UBE2E2: variants seen among roughly 807,000 people sequenced by gnomAD.
UBE2E2 encodes ubiquitin-conjugating enzyme E2 E2.
Under a neutral mutation model 24.7 loss-of-function variants are expected in UBE2E2, and 6 were observed. The observed-to-expected ratio is 0.24, with a 90% CI of 0.13 to 0.48. UBE2E2 has a LOEUF of 0.48. UBE2E2 is among the 20% of genes least tolerant of loss of function. The pLI is 0.99. For synonymous variants in UBE2E2, 104 were observed against 83.6 expected (o/e 1.24, Z -1.33); for missense variants, 169 against 245.0 (o/e 0.69, Z 2.07).
At chr3:23,552,949 A>G (rs978646218) in intron 5 of UBE2E2, among the ~76,000 whole-genome samples, 2 of 152,220 alleles carry the variant, frequency 1.3e-5, no homozygotes, top group African/African-American at 4.8e-5. Flanking sequence ...AGTATTTTCT[A>G]TGTAAATTTT....
At chr3:23,539,587 G>T (rs1221819532) in intron 5 of UBE2E2, among the ~76,000 whole-genome samples, 2 of 152,120 alleles carry the variant, frequency 1.3e-5, no homozygotes, top group Non-Finnish European at 2.9e-5. Flanking sequence ...CTAACGCAGG[G>T]AGTATCTGTC....
chr3:23,496,146 C>T (rs1699593645), intron 3 of UBE2E2, among the ~76,000 whole-genome samples: 1 of 152,114 alleles, frequency 6.6e-6, no homozygotes. Flanking sequence ...CCTGTAAATT[C>T]ATACAGTAGG....
chr3:23,277,492 C>G (rs940456293), intron 3 of UBE2E2, among the ~76,000 whole-genome samples: 2 of 152,054 alleles, frequency 1.3e-5, no homozygotes, highest in African/African-American at 4.8e-5. Flanking sequence ...GAACTAGAGC[C>G]AAAACCACTG....
chr3:23,332,885 C>A (rs1289420340), intron 3 of UBE2E2, among the ~76,000 whole-genome samples: 1 of 152,172 alleles, frequency 6.6e-6, no homozygotes, highest in Admixed American at 6.5e-5. Flanking sequence ...CTTTATAAGA[C>A]TCCCTTGACA....
chr3:23,586,769 G>A (rs1696636197), intron 5 of UBE2E2, among the ~76,000 whole-genome samples: 1 of 152,052 alleles, frequency 6.6e-6, no homozygotes, highest in Non-Finnish European at 1.5e-5. Context: ...TCTAAAAACA[G>A]GAAATTCGTT....
chr3:23,537,843 G>A (rs998779573), intron 5 of UBE2E2, among the ~76,000 whole-genome samples: 6 of 152,126 alleles, frequency 3.9e-5, no homozygotes, highest in African/African-American at 1.4e-4. Flanking sequence ...GACTGCTGGT[G>A]GGTGGGAACC....
rs148363226 is a variant in UBE2E2 at position 23,441,472 on chromosome 3, G to C, written c.228-58136G>C. Among the ~76,000 whole-genome samples, 275 of 149,074 alleles carry C rather than the reference G, an allele frequency of 1.8e-3. 1 individual carries two copies. Among genetic ancestry groups the C allele is most frequent in the Middle Eastern group, 0.014 (4 of 284 alleles). On this transcript the variant is annotated intron_variant, in intron 3 of 5. Transcript: ENST00000396703. ...GGGAATGGCGTGAACCCGGGAGGCAGAGCTTGCAGTGAGCCGAGATCGCGC... is the reference window on the plus strand; with the variant it reads ...GGGAATGGCGTGAACCCGGGAGGCACAGCTTGCAGTGAGCCGAGATCGCGC...
At chr3:23,203,682 C>T (rs1466070432) in intron 1 of UBE2E2, among the ~76,000 whole-genome samples, 2 of 125,908 alleles carry the variant, frequency 1.6e-5, no homozygotes, top group Non-Finnish European at 3.3e-5. Context: ...CCTCCCCCTT[C>T]TTCCCATCCC....
chr3:23,574,456 A>T (rs897097372), intron 5 of UBE2E2, among the ~76,000 whole-genome samples: 1 of 152,208 alleles, frequency 6.6e-6, no homozygotes, highest in African/African-American at 2.4e-5. Context: ...ATTGTTATAC[A>T]TTGCATTCCC....
chr3:23,567,365 T>C (rs946618408), intron 5 of UBE2E2, among the ~76,000 whole-genome samples: 1 of 152,326 alleles, frequency 6.6e-6, no homozygotes, highest in Admixed American at 6.5e-5. Flanking sequence ...CTAAGGGGTT[T>C]AAACAACAGT....
At chr3:23,353,243 A>G (rs554252345) in intron 3 of UBE2E2, among the ~76,000 whole-genome samples, 213 of 152,276 alleles carry the variant, frequency 1.4e-3, no homozygotes, top group African/African-American at 4.8e-3. Context: ...TCTCCAAATA[A>G]TAAGAGCTAT....
intron 3 of UBE2E2, among the ~76,000 whole-genome samples, chr3:23,228,243 G>A (rs1696876813): frequency 6.6e-6 from 1 of 152,032 alleles, no homozygotes; most frequent in Non-Finnish European, 1.5e-5. Context: ...TCTGGTCTTT[G>A]AATTTTTTTT....
At chr3:23,267,068 A>G (rs1159030695) in intron 3 of UBE2E2, among the ~76,000 whole-genome samples, 1 of 152,044 alleles carries the variant, frequency 6.6e-6, no homozygotes, top group African/African-American at 2.4e-5. Flanking sequence ...TGTAGAGGGA[A>G]ATTTATAGCA....
At chr3:23,537,819 T>G (rs1276710718) in intron 5 of UBE2E2, among the ~76,000 whole-genome samples, 1 of 152,178 alleles carries the variant, frequency 6.6e-6, no homozygotes, top group Non-Finnish European at 1.5e-5. Context: ...TATTAAAATT[T>G]TACAATTGAT....
chr3:23,261,014 G>T (rs939935192), intron 3 of UBE2E2, among the ~76,000 whole-genome samples: 2 of 152,058 alleles, frequency 1.3e-5, no homozygotes, highest in Non-Finnish European at 2.9e-5. Flanking sequence ...GATGTGGGAG[G>T]ATCTCTTGAG....
chr3:23,460,470 C>G (rs1428972433), intron 3 of UBE2E2, among the ~76,000 whole-genome samples: 1 of 152,128 alleles, frequency 6.6e-6, no homozygotes, highest in Non-Finnish European at 1.5e-5. Flanking sequence ...ATGCGAGGCT[C>G]TTAGCATGAT....
chr3:23,416,365 G>A (rs1053785860), intron 3 of UBE2E2, among the ~76,000 whole-genome samples: 1 of 152,150 alleles, frequency 6.6e-6, no homozygotes, highest in Non-Finnish European at 1.5e-5. Flanking sequence ...TTTTAAGAAT[G>A]TTGGATACTG....
chr3:23,430,926 G>A (rs1392432814), intron 3 of UBE2E2, among the ~76,000 whole-genome samples: 2 of 152,230 alleles, frequency 1.3e-5, no homozygotes, highest in Non-Finnish European at 2.9e-5. Context: ...TTTTGATTGA[G>A]TGGGAGCTTT....
chr3:23,472,605 C>T (rs986467297), intron 3 of UBE2E2, among the ~76,000 whole-genome samples: 15 of 151,892 alleles, frequency 9.9e-5, no homozygotes, highest in Admixed American at 5.9e-4. Flanking sequence ...AATTTTTAGA[C>T]CTAGCAGATT....
Sources: allele counts gnomAD v4.1 joint callset (sites outside exome capture counted in the v4.1 genomes callset), GRCh38; gene constraint gnomAD v4.1.1; transcripts MANE v1.5; gene names NCBI Gene and HGNC (gene_info 2026-07-23, HGNC 2026-07-21).